RCOR1: variants seen among roughly 807,000 people sequenced by gnomAD.
The protein encoded by RCOR1 is REST corepressor 1.
A neutral mutation model predicts 64.0 loss-of-function variants in RCOR1; 12 were observed. The ratio of observed to expected loss-of-function variants is 0.19; its 90% confidence interval spans 0.12 to 0.30. RCOR1 has a LOEUF of 0.30. Among genes scored for constraint, RCOR1 ranks in the 10% least tolerant of loss-of-function variants. The pLI is 1.00. For synonymous variants in RCOR1, 279 were observed against 227.2 expected (o/e 1.23, Z -2.05); for missense variants, 502 against 621.2 (o/e 0.81, Z 2.04).
At chr14:102,717,400 G>T (rs1043940216) in intron 8 of RCOR1, among the ~76,000 whole-genome samples, 3 of 152,250 alleles carry the variant, frequency 2.0e-5, no homozygotes, top group Non-Finnish European at 4.4e-5. Flanking sequence ...CCCAGACCAG[G>T]ACCCAAGCAC....
At chr14:102,672,510 C>T (rs897415485) in intron 2 of RCOR1, among the ~76,000 whole-genome samples, 5 of 152,124 alleles carry the variant, frequency 3.3e-5, no homozygotes, top group African/African-American at 1.2e-4. Flanking sequence ...CCACGCCCGG[C>T]CTCTGGGTTA....
chr14:102,650,402 G>A (rs1046610950), intron 2 of RCOR1, among the ~76,000 whole-genome samples: 1 of 108,900 alleles, frequency 9.2e-6, no homozygotes. Flanking sequence ...GGGTGGGTGG[G>A]TGGGTGGATG....
At chr14:102,641,124 G>A (rs576344034) in intron 2 of RCOR1, among the ~76,000 whole-genome samples, 11 of 151,946 alleles carry the variant, frequency 7.2e-5, no homozygotes, top group African/African-American at 1.9e-4. Flanking sequence ...GCTTGGTGGC[G>A]CGTGCCTGTG....
At chr14:102,601,495 G>A (rs1893397338) in intron 2 of RCOR1, among the ~76,000 whole-genome samples, 1 of 152,200 alleles carries the variant, frequency 6.6e-6, no homozygotes, top group Non-Finnish European at 1.5e-5. Context: ...GCTTGTGAAG[G>A]ATAAAGAGAG....
At chr14:102,648,976 A>G (rs1450174048) in intron 2 of RCOR1, among the ~76,000 whole-genome samples, 2 of 152,126 alleles carry the variant, frequency 1.3e-5, no homozygotes, top group Admixed American at 6.5e-5. Context: ...CAACCAATAG[A>G]TAGCCTGATG....
chr14:102,675,885 C>T (rs79018984), intron 2 of RCOR1, among the ~76,000 whole-genome samples: 2,182 of 152,248 alleles, frequency 0.014, 58 homozygotes, highest in African/African-American at 0.05. Flanking sequence ...TGGCTTCTTT[C>T]ACTCACTGTA....
chr14:102,667,193 C>T lies in RCOR1; in HGVS notation c.362-14702C>T, dbSNP rs552037686. Among the ~76,000 whole-genome samples the T allele has an allele frequency of 1.1e-3, 166 of 152,040 alleles. 2 individuals are homozygous for T. Among genetic ancestry groups the T allele is most frequent in the Non-Finnish European group, 2.1e-3 (144 of 67,968 alleles). Reference sequence around the variant, plus strand: ...CCATCCTGGACAAACAGGGCAAGACCTTGTTTCTTAAAAAAATAAAGAATG... The same window carrying T: ...CCATCCTGGACAAACAGGGCAAGACTTTGTTTCTTAAAAAAATAAAGAATG... On this transcript the variant is annotated intron_variant, in intron 2 of 11. Coordinates refer to ENST00000262241, the MANE Select transcript of RCOR1 (RefSeq NM_015156.4).
At chr14:102,605,316 G>A (rs1893483268) in intron 2 of RCOR1, among the ~76,000 whole-genome samples, 2 of 152,130 alleles carry the variant, frequency 1.3e-5, no homozygotes, top group African/African-American at 4.8e-5. Context: ...CTGCATGTAT[G>A]TTGAAATAGT....
intron 3 of RCOR1, among the ~76,000 whole-genome samples, chr14:102,684,422 A>G (rs966181077): frequency 1.3e-5 from 2 of 152,168 alleles, no homozygotes; most frequent in South Asian, 2.1e-4. Context: ...AAAAGGATTG[A>G]CTTTATAGAA....
chr14:102,650,844 T>G (rs2139929394), intron 2 of RCOR1: 939 of 221,094 alleles, frequency 4.2e-3, no homozygotes, highest in Non-Finnish European at 6.4e-3. Context: ...GGAACTGACT[T>G]GAGATATTTT....
At chr14:102,668,064 G>A (rs1250710938) in intron 2 of RCOR1, among the ~76,000 whole-genome samples, 6 of 152,130 alleles carry the variant, frequency 3.9e-5, no homozygotes, top group African/African-American at 1.2e-4. Context: ...TGAAAAAGAG[G>A]AACCCAGGGA....
intron 2 of RCOR1, among the ~76,000 whole-genome samples, chr14:102,620,933 T>C (rs1893859671): frequency 6.6e-6 from 1 of 152,174 alleles, no homozygotes; most frequent in Admixed American, 6.6e-5. Context: ...AGAATATGAC[T>C]TAAAAACAAT....
intron 2 of RCOR1, among the ~76,000 whole-genome samples, chr14:102,632,663 CCTTTCCTTTCCT>C: frequency 1.8e-5 from 1 of 56,920 alleles, no homozygotes; most frequent in South Asian, 7.8e-4. Flanking sequence ...CCTTTCCTTT[CCTTTCCTTTCCT>C]TTCCTTTTCC....
At chr14:102,615,747 C>G (rs777922679) in intron 2 of RCOR1, among the ~76,000 whole-genome samples, 1 of 152,152 alleles carries the variant, frequency 6.6e-6, no homozygotes, top group Non-Finnish European at 1.5e-5. Flanking sequence ...CCACGCCTGG[C>G]CATTAATTCT....
intron 2 of RCOR1, chr14:102,656,284 C>T (rs1249860228): frequency 1.7e-5 from 3 of 179,360 alleles, no homozygotes; most frequent in Non-Finnish European, 3.2e-5. Context: ...GGATTATAGG[C>T]ATGTGCCACC....
chr14:102,687,324 G>A (rs1438968163), intron 3 of RCOR1, among the ~76,000 whole-genome samples: 2 of 152,232 alleles, frequency 1.3e-5, no homozygotes, highest in African/African-American at 4.8e-5. Context: ...AGTTATTACA[G>A]TAGCCAAGTT....
At chr14:102,593,450 G>A in intron 2 of RCOR1, 125 bp downstream of exon 2, 1 of 1,026,946 alleles carries the variant, frequency 9.7e-7, no homozygotes, top group Non-Finnish European at 1.3e-6. Context: ...CGTCCGTGGG[G>A]AGAACAGCAG....
At chr14:102,617,206 A>G (rs1257298805) in intron 2 of RCOR1, among the ~76,000 whole-genome samples, 1 of 152,192 alleles carries the variant, frequency 6.6e-6, no homozygotes, top group Non-Finnish European at 1.5e-5. Context: ...TTTACCTTAG[A>G]CACATTCGTT....
At chr14:102,651,169 A>G in intron 2 of RCOR1, 1 of 507,346 alleles carries the variant, frequency 2.0e-6, no homozygotes, top group Non-Finnish European at 2.5e-6. Flanking sequence ...GAGGAATTAA[A>G]GACACACACA....
Sources: gnomAD v4.1 joint callset for allele counts (sites outside exome capture counted in the v4.1 genomes callset) on GRCh38, gnomAD v4.1.1 for gene constraint, MANE v1.5 for transcripts, NCBI Gene and HGNC (gene_info 2026-07-23, HGNC 2026-07-21) for gene names.